FBXO31: variants seen among roughly 807,000 people sequenced by gnomAD.
FBXO31 encodes the protein F-box only protein 31.
In FBXO31, 24 loss-of-function variants were observed where a neutral mutation model predicts 54.4. That is an observed-to-expected ratio of 0.44 (90% CI 0.32 to 0.62). The LOEUF is 0.62. Ranked by LOEUF, FBXO31 falls within the 20% of genes least tolerant of loss-of-function variation. The pLI is 0.05. For synonymous variants in FBXO31, 388 were observed against 335.6 expected, an observed-to-expected ratio of 1.16 and a Z score of -1.71; for missense variants, 665 against 787.1, an observed-to-expected ratio of 0.84 and a Z score of 1.86.
intron 1 of FBXO31, among the ~76,000 whole-genome samples, chr16:87,363,103 A>G (rs1176584973): frequency 6.6e-6 from 1 of 151,438 alleles, no homozygotes; most frequent in African/African-American, 2.4e-5. Context: ...ATAAAACAAA[A>G]GCCGGGCGCG....
rs1347878748 is a variant in FBXO31 at position 87,336,576 on chromosome 16, G to A, written c.733-312C>T. ...CACAGCCATGACCAGAACTCAGGGTGGGCCTCCCTTCCATGCCCACCGGTG... is the reference window on the plus strand; with the variant it reads ...CACAGCCATGACCAGAACTCAGGGTAGGCCTCCCTTCCATGCCCACCGGTG... On this transcript the variant is annotated intron_variant, in intron 5 of 8. Coordinates refer to ENST00000311635, the MANE Select transcript of FBXO31 (RefSeq NM_024735.5). The surrounding 1 kb of genome is among the most constrained non-coding windows in gnomAD (Gnocchi z 6.5). 6.6e-6 allele frequency among the ~76,000 whole-genome samples: 1 copy of A among 152,116 alleles called. No individual in the cohort carries two copies. The highest frequency in any genetic ancestry group is 1.5e-5 in the Non-Finnish European group (1 of 68,018).
chr16:87,385,689 A>G (rs890772155), upstream of FBXO31, among the ~76,000 whole-genome samples: 1 of 152,134 alleles, frequency 6.6e-6, no homozygotes, highest in Non-Finnish European at 1.5e-5. Flanking sequence ...CAGGAGGAGA[A>G]CACTTGATGG....
chr16:87,364,234 C>A (rs765436070), intron 1 of FBXO31, among the ~76,000 whole-genome samples: 1 of 152,244 alleles, frequency 6.6e-6, no homozygotes, highest in Non-Finnish European at 1.5e-5. Flanking sequence ...TCCCACAAGA[C>A]GCCTCACCGC....
In FBXO31 at chr16:87,383,347, G is replaced by A. The variant is rs1253483590; in HGVS notation, c.340+58C>T. 1 of 1,403,122 alleles carries A rather than the reference G, an allele frequency of 7.1e-7. No individual in the cohort carries two copies. The highest frequency in any genetic ancestry group is 1.5e-5 in the African/African-American group (1 of 66,426). The allele number at this position is 1,403,122 out of a possible 1,614,324, so 86.9% of individuals were successfully genotyped here. ...CGCCCCCGCCACTCCCAGCTCCGAGGCCTCCACCTGGCAGGGACCCCCCGC... is the reference window on the plus strand; with the variant it reads ...CGCCCCCGCCACTCCCAGCTCCGAGACCTCCACCTGGCAGGGACCCCCCGC... On this transcript the variant is annotated intron_variant, in intron 1 of 8. Coordinates refer to ENST00000311635, the MANE Select transcript of FBXO31 (RefSeq NM_024735.5). This position sits in a 1 kb window ranked among gnomAD's most constrained non-coding sequence, Gnocchi z 4.9.
intron 2 of FBXO31, among the ~76,000 whole-genome samples, chr16:87,348,559 C>G (rs1252818640): frequency 6.6e-6 from 1 of 152,176 alleles, no homozygotes; most frequent in African/African-American, 2.4e-5. Context: ...GACTACAGAC[C>G]TGGCGGGAGG....
At chr16:87,384,471 A>G (rs1211457754), upstream of FBXO31, among the ~76,000 whole-genome samples, 9 of 151,958 alleles carry the variant, frequency 5.9e-5, no homozygotes, top group Admixed American at 6.5e-5. Flanking sequence ...AGGCCCTGCC[A>G]TGCGGCGCCG....
chr16:87,373,962 G>A (rs1413843162), intron 1 of FBXO31, among the ~76,000 whole-genome samples: 2 of 152,182 alleles, frequency 1.3e-5, no homozygotes, highest in Non-Finnish European at 2.9e-5. Flanking sequence ...TAAATATGAA[G>A]GCCGGGCATG....
chr16:87,341,883 G>A (rs985879556), intron 5 of FBXO31, among the ~76,000 whole-genome samples: 1 of 152,068 alleles, frequency 6.6e-6, no homozygotes, highest in African/African-American at 2.4e-5. Flanking sequence ...TCCTCTGGCT[G>A]ATGGGGAAAC....
At chr16:87,347,025 A>C in intron 3 of FBXO31, 149 bp downstream of exon 3, 1 of 741,926 alleles carries the variant, frequency 1.3e-6, no homozygotes, top group South Asian at 1.5e-5. Flanking sequence ...TTGGCTCCTG[A>C]AAAGTGACAG....
At chr16:87,392,095 A>T, upstream of FBXO31, 1 of 248,818 alleles carries the variant, frequency 4.0e-6, no homozygotes, top group African/African-American at 2.3e-5. Context: ...CAGGGGCCTC[A>T]GGCGCCCAGC....
chr16:87,362,837 G>A (rs751432240), intron 1 of FBXO31, among the ~76,000 whole-genome samples: 6 of 152,222 alleles, frequency 3.9e-5, no homozygotes, highest in Non-Finnish European at 5.9e-5. Flanking sequence ...GATTACAGGC[G>A]TGAGCCACTG....
intron 8 of FBXO31, 83 bp downstream of exon 8, chr16:87,333,803 G>GGC: frequency 6.6e-7 from 1 of 1,508,330 alleles, no homozygotes; most frequent in Non-Finnish European, 8.9e-7. Context: ...GGCCCTCTCC[G>GGC]CCTGTGCTAG....
intron 5 of FBXO31, among the ~76,000 whole-genome samples, chr16:87,339,638 C>A (rs536245584): frequency 6.6e-6 from 1 of 152,168 alleles, no homozygotes; most frequent in Non-Finnish European, 1.5e-5. Flanking sequence ...GCGGGACGAG[C>A]CGAGGGAGTA....
rs142633422 is a variant in FBXO31 at position 87,346,970 on chromosome 16, C to G, written c.489+204G>C. On this transcript the variant is annotated intron_variant, in intron 3 of 8. Coordinates refer to ENST00000311635, the MANE Select transcript of FBXO31 (RefSeq NM_024735.5). This position sits in a 1 kb window ranked among gnomAD's most constrained non-coding sequence, Gnocchi z 4.2. ...AGAGTCCAAGGACGGGCCACAAGGC[C>G]GAAGTGTTGCTCTAAGCAAACCTTT... 6.6e-6 allele frequency among the ~76,000 whole-genome samples: 1 copy of G among 152,186 alleles called. No homozygotes were observed. The highest frequency in any genetic ancestry group is 1.5e-5 in the Non-Finnish European group (1 of 68,030).
chr16:87,346,190 C>G lies in FBXO31; in HGVS notation c.489+984G>C, dbSNP rs944487236. On this transcript the variant is annotated intron_variant, in intron 3 of 8. Coordinates refer to ENST00000311635, the MANE Select transcript of FBXO31 (RefSeq NM_024735.5). This position sits in a 1 kb window ranked among gnomAD's most constrained non-coding sequence, Gnocchi z 4.2. ...AATGAGAACGGGACGCTTCCCCAAG[C>G]CTGAGACGCGCGCATACCCCGGGCC... is the stretch of plus-strand genomic sequence containing the variant. 6.6e-6 allele frequency among the ~76,000 whole-genome samples: 1 copy of G among 152,156 alleles called. No individual in the cohort carries two copies. The highest frequency in any genetic ancestry group is 2.4e-5 in the African/African-American group (1 of 41,440).
At chr16:87,351,497 G>A (rs538012244) in intron 2 of FBXO31, among the ~76,000 whole-genome samples, 93 of 152,290 alleles carry the variant, frequency 6.1e-4, no homozygotes, top group Non-Finnish European at 1.1e-3. Context: ...CAGATGGTCA[G>A]GCCTTCCTGC....
intron 8 of FBXO31, among the ~76,000 whole-genome samples, chr16:87,332,573 C>A (rs1292815183): frequency 2.6e-5 from 4 of 152,012 alleles, no homozygotes; most frequent in Admixed American, 6.6e-5. Context: ...TCTCTGTAAA[C>A]CCCCCAGTCA....
In FBXO31 at chr16:87,349,468, G is replaced by C. The variant is rs1307902104; in HGVS notation, c.413-2218C>G. On this transcript the variant is annotated intron_variant, in intron 2 of 8. Coordinates refer to ENST00000311635, the MANE Select transcript of FBXO31 (RefSeq NM_024735.5). ...ATGGTGGCTCACGCCTGTAATCCCA[G>C]TACTTTGAGAGGCCAAGGCAGATGG... Among the ~76,000 whole-genome samples the C allele has an allele frequency of 2.6e-5, 4 of 152,318 alleles. No homozygotes were observed. In the East Asian group the frequency reaches 5.8e-4, roughly 22 times the overall value.
chr16:87,352,798 C>G (rs912401157), intron 2 of FBXO31, among the ~76,000 whole-genome samples: 4 of 152,156 alleles, frequency 2.6e-5, no homozygotes, highest in Admixed American at 1.3e-4. Flanking sequence ...TAAATGCTCC[C>G]GAAATGAATT....
Sources: gnomAD v4.1 joint callset for allele counts (sites outside exome capture counted in the v4.1 genomes callset) on GRCh38, gnomAD v4.1.1 for gene constraint, Gnocchi (gnomAD v3.1) non-coding constraint, MANE v1.5 for transcripts, NCBI Gene and HGNC (gene_info 2026-07-23, HGNC 2026-07-21) for gene names.